Variants in MARCHF1 observed in about 807,000 individuals in gnomAD.
The protein encoded by MARCHF1 is E3 ubiquitin-protein ligase MARCHF1.
MARCHF1 carries 40 observed loss-of-function variants against 54.2 expected under a neutral mutation model. The observed-to-expected ratio is 0.74, with a 90% confidence interval of 0.57 to 0.96. MARCHF1 has a LOEUF of 0.96. MARCHF1 is among the 40% of genes least tolerant of loss of function. MARCHF1 has a pLI of 0.00. For synonymous variants in MARCHF1, 236 were observed against 236.3 expected (o/e 1.00, Z 0.01); for missense variants, 586 against 656.5 (o/e 0.89, Z 1.17).
At chr4:163,911,868 T>C (rs1477619284) in intron 3 of MARCHF1, among the ~76,000 whole-genome samples, 1 of 152,166 alleles carries the variant, frequency 6.6e-6, no homozygotes, top group Non-Finnish European at 1.5e-5. Context: ...GATACCTTGA[T>C]CTCAGACTTG....
chr4:164,213,716 A>G (rs1005616891), intron 1 of MARCHF1, among the ~76,000 whole-genome samples: 1 of 152,122 alleles, frequency 6.6e-6, no homozygotes, highest in Non-Finnish European at 1.5e-5. Flanking sequence ...TTTAGATGAC[A>G]TAATAAATTA....
intron 1 of MARCHF1, among the ~76,000 whole-genome samples, chr4:164,332,388 G>A (rs1286495947): frequency 3.9e-5 from 6 of 152,178 alleles, no homozygotes; most frequent in Non-Finnish European, 7.3e-5. Flanking sequence ...ACATTAATTA[G>A]TATGAGTTGC....
Position 163,954,809 on chromosome 4 carries a change from A to C in MARCHF1, c.-39+33692T>G, listed in dbSNP as rs60897681. On this transcript the variant is annotated intron_variant, in intron 3 of 9. Coordinates refer to ENST00000514618, the MANE Select transcript of MARCHF1 (RefSeq NM_001394959.1). Reference sequence around the variant, plus strand: ...AAACTGGCTTCTCACACTCAGAGGCACAAAACCAAGTAGCCATGCTTTAAG... The same window carrying C: ...AAACTGGCTTCTCACACTCAGAGGCCCAAAACCAAGTAGCCATGCTTTAAG... Among the ~76,000 whole-genome samples, 2,286 of 152,298 alleles carry C rather than the reference A, an allele frequency of 0.015. 129 individuals are homozygous for C. In the East Asian group the frequency reaches 0.19, roughly 13 times the overall value.
At chr4:163,889,923 T>C (rs1481022990) in intron 3 of MARCHF1, among the ~76,000 whole-genome samples, 56 of 113,890 alleles carry the variant, frequency 4.9e-4, no homozygotes, top group Non-Finnish European at 7.8e-4. Context: ...TATTTTCTTT[T>C]TTCTTTTTTT....
intron 3 of MARCHF1, among the ~76,000 whole-genome samples, chr4:163,973,223 CT>C (rs1752584825): frequency 6.6e-6 from 1 of 152,188 alleles, no homozygotes. Flanking sequence ...AACATAGTAA[CT>C]TTCAACAACT....
intron 1 of MARCHF1, among the ~76,000 whole-genome samples, chr4:164,160,904 C>T (rs1325633843): frequency 6.6e-6 from 1 of 152,142 alleles, no homozygotes; most frequent in African/African-American, 2.4e-5. Flanking sequence ...TAAGAGTAAA[C>T]TTAACTCTAT....
At chr4:163,606,617 G>C (rs1335409818) in intron 7 of MARCHF1, among the ~76,000 whole-genome samples, 5 of 152,062 alleles carry the variant, frequency 3.3e-5, no homozygotes, top group Admixed American at 1.3e-4. Flanking sequence ...GAGACGAGGA[G>C]TGAGACATTT....
intron 1 of MARCHF1, among the ~76,000 whole-genome samples, chr4:164,175,226 CT>C (rs1482795213): frequency 1.3e-5 from 2 of 152,144 alleles, no homozygotes; most frequent in African/African-American, 4.8e-5. Context: ...GCAATTATGA[CT>C]TTTTATTACA....
intron 1 of MARCHF1, among the ~76,000 whole-genome samples, chr4:164,297,421 T>C (rs1734440638): frequency 6.6e-6 from 1 of 152,062 alleles, no homozygotes; most frequent in Non-Finnish European, 1.5e-5. Context: ...GGCAAGTCAG[T>C]CTCTAATATT....
intron 1 of MARCHF1, among the ~76,000 whole-genome samples, chr4:164,112,246 C>T (rs1464107073): frequency 1.3e-5 from 2 of 151,880 alleles, no homozygotes; most frequent in Non-Finnish European, 2.9e-5. Context: ...ACTTCACTAC[C>T]TCTATTATCC....
At chr4:163,592,901 A>T (rs1426690676) in intron 7 of MARCHF1, among the ~76,000 whole-genome samples, 2 of 152,062 alleles carry the variant, frequency 1.3e-5, no homozygotes, top group African/African-American at 2.4e-5. Flanking sequence ...TGATGTGTGT[A>T]GCCCCTAGGA....
chr4:164,354,305 A>T (rs1730446806), intron 1 of MARCHF1, among the ~76,000 whole-genome samples: 1 of 132,832 alleles, frequency 7.5e-6, no homozygotes, highest in Non-Finnish European at 1.7e-5. Context: ...GCAGAGACAC[A>T]ACCAAAAAAG....
intron 1 of MARCHF1, among the ~76,000 whole-genome samples, chr4:164,326,602 T>A (rs187806346): frequency 1.4e-4 from 21 of 152,326 alleles, no homozygotes; most frequent in Non-Finnish European, 2.8e-4. Flanking sequence ...GCAAAGTCAC[T>A]ATAGGGAGCA....
In MARCHF1 at chr4:163,629,762, C is replaced by T. The variant is rs113995499; in HGVS notation, c.163-16369G>A. ...AGGATTGATGAGTGCAGGAAACCAC[C>T]GTGGCACGTGTATAGCTATGTAACA... On this transcript the variant is annotated intron_variant, in intron 5 of 9. Transcript: ENST00000514618. Among the ~76,000 whole-genome samples, 1,182 of 152,166 alleles carry T rather than the reference C, an allele frequency of 7.8e-3. 6 individuals carry two copies. Among genetic ancestry groups the T allele is most frequent in the African/African-American group, 0.028 (1,142 of 41,514 alleles).
At chr4:164,094,858 T>G (rs925099866) in intron 2 of MARCHF1, among the ~76,000 whole-genome samples, 11 of 152,136 alleles carry the variant, frequency 7.2e-5, no homozygotes, top group Non-Finnish European at 8.8e-5. Context: ...AAAAGTAATT[T>G]AATAGTATTT....
At chr4:163,969,638 G>A (rs1167454460) in intron 3 of MARCHF1, among the ~76,000 whole-genome samples, 1 of 152,110 alleles carries the variant, frequency 6.6e-6, no homozygotes, top group African/African-American at 2.4e-5. Context: ...ATCTGGATGG[G>A]CAACAGATCA....
chr4:163,718,642 G>T (rs1437134028), intron 4 of MARCHF1, among the ~76,000 whole-genome samples: 1 of 152,110 alleles, frequency 6.6e-6, no homozygotes, highest in African/African-American at 2.4e-5. Flanking sequence ...TGTGATTGTT[G>T]TATATTGATT....
intron 2 of MARCHF1, among the ~76,000 whole-genome samples, chr4:164,111,267 T>C (rs1755828461): frequency 1.3e-5 from 2 of 151,788 alleles, no homozygotes; most frequent in South Asian, 4.1e-4. Context: ...GGAGGTACTA[T>C]AATTACCTAT....
At chr4:164,108,517 T>G (rs1350686777) in intron 2 of MARCHF1, among the ~76,000 whole-genome samples, 3 of 152,124 alleles carry the variant, frequency 2.0e-5, no homozygotes, top group Non-Finnish European at 2.9e-5. Flanking sequence ...GTCTGCACTT[T>G]TAACTAACTG....
Sources: gnomAD v4.1 joint callset for allele counts (sites outside exome capture counted in the v4.1 genomes callset) on GRCh38, gnomAD v4.1.1 for gene constraint, MANE v1.5 for transcripts, NCBI Gene and HGNC (gene_info 2026-07-23, HGNC 2026-07-21) for gene names.